The following TNIK variants were observed in gnomAD, a reference collection of about 807,000 sequenced individuals.
TNIK encodes the protein TRAF2 and NCK-interacting protein kinase.
Under a neutral mutation model 191.3 loss-of-function variants are expected in TNIK, and 49 were observed. The observed-to-expected ratio is 0.26, with a 90% CI of 0.20 to 0.32. The LOEUF (loss-of-function observed/expected upper bound fraction) is 0.32, where lower values mean the gene tolerates loss of function less well. Among genes scored for constraint, TNIK ranks in the 10% least tolerant of loss-of-function variants. The probability of loss-of-function intolerance (pLI) is 1.00; values close to 1 mark genes in which losing one functional copy is unlikely to be tolerated. For synonymous variants in TNIK, 594 were observed against 600.9 expected, an observed-to-expected ratio of 0.99 and a Z score of 0.17; for missense variants, 1,155 against 1,702.3, an observed-to-expected ratio of 0.68 and a Z score of 5.66.
At chr3:171,118,391 C>G (rs868594957) in intron 18 of TNIK, among the ~76,000 whole-genome samples, 3 of 152,262 alleles carry the variant, frequency 2.0e-5, no homozygotes, top group South Asian at 2.1e-4. Flanking sequence ...TCAATGCCAT[C>G]CCCATCAAGC....
At chr3:171,300,132 G>A (rs545835046) in intron 2 of TNIK, among the ~76,000 whole-genome samples, 43 of 152,304 alleles carry the variant, frequency 2.8e-4, no homozygotes, top group African/African-American at 1.0e-3. Flanking sequence ...TCTCTAAGAC[G>A]GGTAATGTTT....
At chr3:171,207,198 G>A (rs899685298) in intron 4 of TNIK, among the ~76,000 whole-genome samples, 1 of 152,092 alleles carries the variant, frequency 6.6e-6, no homozygotes, top group African/African-American at 2.4e-5. Context: ...ATATCCAGAG[G>A]TGGGGCTTCT....
At position 171,177,104 on chromosome 3, in the gene TNIK, T is replaced by C. The variant is rs2108786802; in HGVS notation, c.694+222A>G. Among the ~76,000 whole-genome samples, 3 of 148,382 alleles carry C rather than the reference T, an allele frequency of 2.0e-5. 1 individual carries two copies. The highest frequency in any genetic ancestry group is 2.0e-4 in the Admixed American group (3 of 15,204). ...GACTCCCCAAAGTATGCTTTCTTTT[T>C]CTTCCTTTTTTTTTTTTCTAATAAA... On this transcript the variant is annotated intron_variant, in intron 8 of 32. Transcript: ENST00000436636.
At chr3:171,150,136 A>G (rs534018200) in intron 12 of TNIK, among the ~76,000 whole-genome samples, 113 of 152,284 alleles carry the variant, frequency 7.4e-4, no homozygotes, top group African/African-American at 2.7e-3. Context: ...TTCAGCTTCA[A>G]GGCCTCACCC....
At chr3:171,384,327 C>A (rs1407623555) in intron 1 of TNIK, among the ~76,000 whole-genome samples, 1 of 152,188 alleles carries the variant, frequency 6.6e-6, no homozygotes, top group Non-Finnish European at 1.5e-5. Flanking sequence ...TTTGAAAAAT[C>A]ACTTAATCTC....
intron 2 of TNIK, among the ~76,000 whole-genome samples, chr3:171,239,222 A>G (rs1744662307): frequency 6.6e-6 from 1 of 152,192 alleles, no homozygotes; most frequent in East Asian, 1.9e-4. Context: ...GAAATATATT[A>G]TTTTGTTTGA....
chr3:171,180,122 A>G (rs565765606), intron 7 of TNIK, among the ~76,000 whole-genome samples: 1 of 152,320 alleles, frequency 6.6e-6, no homozygotes, highest in East Asian at 1.9e-4. Context: ...AAAGAAAATG[A>G]TGGTTCTGGG....
At chr3:171,213,715 G>T (rs1239647922) in intron 3 of TNIK, among the ~76,000 whole-genome samples, 1 of 152,150 alleles carries the variant, frequency 6.6e-6, no homozygotes, top group Non-Finnish European at 1.5e-5. Context: ...AATAAGGACA[G>T]CATATGCATT....
At chr3:171,135,996 A>G (rs930627546) in intron 15 of TNIK, among the ~76,000 whole-genome samples, 1 of 152,256 alleles carries the variant, frequency 6.6e-6, no homozygotes, top group African/African-American at 2.4e-5. Context: ...AAAACAGTGA[A>G]GTCAAGGTAG....
intron 2 of TNIK, among the ~76,000 whole-genome samples, chr3:171,245,231 G>C (rs892717824): frequency 6.6e-6 from 1 of 152,108 alleles, no homozygotes; most frequent in Admixed American, 6.5e-5. Context: ...ACTTAGGTAA[G>C]GATGTAATTA....
intron 2 of TNIK, among the ~76,000 whole-genome samples, chr3:171,229,286 C>T (rs960361276): frequency 3.3e-5 from 5 of 152,182 alleles, no homozygotes; most frequent in Admixed American, 6.5e-5. Context: ...ATGTTGTCTT[C>T]CCTACTGAAC....
At chr3:171,409,675 G>A (rs769249521) in intron 1 of TNIK, among the ~76,000 whole-genome samples, 8 of 150,520 alleles carry the variant, frequency 5.3e-5, no homozygotes, top group Non-Finnish European at 1.2e-4. Flanking sequence ...ACAAAGCCTG[G>A]AATGAAACCT....
At chr3:171,127,816 T>A (rs1357150756) in intron 16 of TNIK, among the ~76,000 whole-genome samples, 1 of 152,198 alleles carries the variant, frequency 6.6e-6, no homozygotes, top group African/African-American at 2.4e-5. Context: ...TCACTACTCT[T>A]TTAAACTCCA....
chr3:171,126,762 G>A (rs1023584949), intron 16 of TNIK, among the ~76,000 whole-genome samples: 1 of 152,188 alleles, frequency 6.6e-6, no homozygotes, highest in Non-Finnish European at 1.5e-5. Context: ...ACTTTCTCCT[G>A]TGCTGGCTCT....
At chr3:171,246,431 T>C (rs981755693) in intron 2 of TNIK, among the ~76,000 whole-genome samples, 1 of 152,212 alleles carries the variant, frequency 6.6e-6, no homozygotes, top group Non-Finnish European at 1.5e-5. Context: ...AGCTAATATC[T>C]ACTATGTCAG....
At chr3:171,114,754 A>G (rs143461240) in intron 18 of TNIK, among the ~76,000 whole-genome samples, 27 of 152,346 alleles carry the variant, frequency 1.8e-4, no homozygotes, top group African/African-American at 6.0e-4. Context: ...AACTTAAGAA[A>G]AACTTCCAAT....
At chr3:171,434,384 T>C (rs1209731892) in intron 1 of TNIK, among the ~76,000 whole-genome samples, 2 of 152,232 alleles carry the variant, frequency 1.3e-5, no homozygotes, top group Non-Finnish European at 2.9e-5. Context: ...CTCTAAGTTT[T>C]TGAGGTATCA....
intron 2 of TNIK, among the ~76,000 whole-genome samples, chr3:171,242,374 A>G (rs1745093267): frequency 6.6e-6 from 1 of 152,198 alleles, no homozygotes; most frequent in Admixed American, 6.5e-5. Context: ...TCAAAGACTC[A>G]TAAGCAGGAT....
chr3:171,267,668 C>A (rs148022343), intron 2 of TNIK, among the ~76,000 whole-genome samples: 64 of 152,234 alleles, frequency 4.2e-4, no homozygotes, highest in Non-Finnish European at 7.9e-4. Context: ...AATTACAGTG[C>A]CATCCATGAG....
Sources: allele counts gnomAD v4.1 joint callset (sites outside exome capture counted in the v4.1 genomes callset), GRCh38; gene constraint gnomAD v4.1.1; transcripts MANE v1.5; gene names NCBI Gene and HGNC (gene_info 2026-07-23, HGNC 2026-07-21).